The following ZNF423 variants were observed in gnomAD, a reference collection of about 807,000 sequenced individuals.
The protein encoded by ZNF423 is zinc finger protein 423, also known as Ebf-associated zinc finger protein.
In ZNF423, 12 loss-of-function variants were observed where a neutral mutation model predicts 95.8. The ratio of observed to expected loss-of-function variants is 0.13; its 90% confidence interval spans 0.08 to 0.20. ZNF423 has a LOEUF of 0.20. Ranked by LOEUF, ZNF423 falls within the 10% of genes least tolerant of loss-of-function variation. The pLI is 1.00. For missense variants in ZNF423, 1,316 were observed against 1,737.1 expected (o/e 0.76, Z 4.31); for synonymous variants, 749 against 711.9 (o/e 1.05, Z -0.83).
At chr16:49,664,865 G>A (rs1265645979) in intron 3 of ZNF423, among the ~76,000 whole-genome samples, 1 of 152,244 alleles carries the variant, frequency 6.6e-6, no homozygotes, top group Non-Finnish European at 1.5e-5. Context: ...GAGATCGGGG[G>A]TGGCCCCTGG....
At chr16:49,550,792 C>A (rs905702805) in intron 5 of ZNF423, among the ~76,000 whole-genome samples, 1 of 152,234 alleles carries the variant, frequency 6.6e-6, no homozygotes, top group Non-Finnish European at 1.5e-5. Flanking sequence ...ATGTGGCCGG[C>A]CCAACAAGTC....
chr16:49,697,780 C>A (rs1040950662), intron 3 of ZNF423, among the ~76,000 whole-genome samples: 2 of 152,248 alleles, frequency 1.3e-5, no homozygotes, highest in Non-Finnish European at 2.9e-5. Flanking sequence ...TTGTCAGTGA[C>A]ACAACAAAAG....
chr16:49,713,675 G>A (rs929499235), intron 3 of ZNF423, among the ~76,000 whole-genome samples: 4 of 152,144 alleles, frequency 2.6e-5, no homozygotes, highest in African/African-American at 9.7e-5. Context: ...TGCGCCATCT[G>A]TTTTCTGTTG....
chr16:49,723,684 T>C (rs986356617), intron 3 of ZNF423, among the ~76,000 whole-genome samples: 1 of 152,214 alleles, frequency 6.6e-6, no homozygotes, highest in African/African-American at 2.4e-5. Flanking sequence ...TCTTTTAGTA[T>C]TTTAAAGTTT....
chr16:49,801,415 G>A (rs183862718), intron 1 of ZNF423, among the ~76,000 whole-genome samples: 30 of 152,346 alleles, frequency 2.0e-4, no homozygotes, highest in Admixed American at 1.7e-3. Flanking sequence ...GGGCCCAGAC[G>A]AGGCGGCAAA....
intron 2 of ZNF423, among the ~76,000 whole-genome samples, chr16:49,769,408 G>T (rs2143697926): frequency 6.6e-6 from 1 of 151,284 alleles, no homozygotes; most frequent in African/African-American, 2.4e-5. Flanking sequence ...GGCAAGAAAA[G>T]AAAAAAGAAA....
chr16:49,542,948 A>T (rs1248519789), intron 5 of ZNF423, among the ~76,000 whole-genome samples: 1 of 152,096 alleles, frequency 6.6e-6, no homozygotes, highest in Non-Finnish European at 1.5e-5. Flanking sequence ...CAAGTCCCCT[A>T]GTGGAGTGGA....
intron 5 of ZNF423, among the ~76,000 whole-genome samples, chr16:49,612,924 A>G (rs987574187): frequency 6.6e-6 from 1 of 152,152 alleles, no homozygotes; most frequent in Non-Finnish European, 1.5e-5. Flanking sequence ...ACCATTTATA[A>G]TTGCTCAAAA....
chr16:49,728,836 G>A (rs536472277), intron 3 of ZNF423, among the ~76,000 whole-genome samples: 22 of 152,270 alleles, frequency 1.4e-4, no homozygotes, highest in African/African-American at 5.1e-4. Context: ...GGGTTCAAGC[G>A]ATTCTTTTGC....
At chr16:49,796,511 G>A (rs2034501816) in intron 1 of ZNF423, among the ~76,000 whole-genome samples, 1 of 152,226 alleles carries the variant, frequency 6.6e-6, no homozygotes, top group African/African-American at 2.4e-5. Context: ...ACAGCAGTGG[G>A]GCCCAGACAG....
intron 1 of ZNF423, chr16:49,854,989 G>A: frequency 1.0e-6 from 1 of 984,848 alleles, no homozygotes; most frequent in Non-Finnish European, 1.2e-6. Context: ...GGAGGGGCGC[G>A]CACCGCGGCC....
At chr16:49,688,252 C>A (rs1452755009) in intron 3 of ZNF423, among the ~76,000 whole-genome samples, 2 of 152,174 alleles carry the variant, frequency 1.3e-5, no homozygotes, top group African/African-American at 4.8e-5. Flanking sequence ...AACACAAACT[C>A]CTCCTTTTTC....
chr16:49,772,989 G>A (rs1434824077), intron 2 of ZNF423, among the ~76,000 whole-genome samples: 4 of 152,234 alleles, frequency 2.6e-5, no homozygotes, highest in African/African-American at 7.2e-5. Context: ...TGGCAGGATG[G>A]AGTGAGTGCT....
At chr16:49,858,550 G>A (rs1043661038), upstream of ZNF423, among the ~76,000 whole-genome samples, 1 of 152,126 alleles carries the variant, frequency 6.6e-6, no homozygotes, top group Non-Finnish European at 1.5e-5. This position sits in a 1 kb window ranked among gnomAD's most constrained non-coding sequence, Gnocchi z 4.3. Flanking sequence ...GCGGGCGAGC[G>A]AGGCTCCCCA....
chr16:49,518,563 A>G, intron 7 of ZNF423: 1 of 435,210 alleles, frequency 2.3e-6, no homozygotes, highest in South Asian at 1.7e-5. Context: ...CATCAGTTAC[A>G]CAAAACTCAG....
At chr16:49,561,108 A>T (rs1417322611) in intron 5 of ZNF423, among the ~76,000 whole-genome samples, 1 of 152,132 alleles carries the variant, frequency 6.6e-6, no homozygotes, top group Non-Finnish European at 1.5e-5. Context: ...ATGCACGTAC[A>T]TGTGCACATA....
At chr16:49,802,447 C>T (rs2034597074) in intron 1 of ZNF423, among the ~76,000 whole-genome samples, 1 of 152,208 alleles carries the variant, frequency 6.6e-6, no homozygotes, top group African/African-American at 2.4e-5. Context: ...GAACAAGAGG[C>T]TCTGGTTTGT....
At position 49,487,905 on chromosome 16, in the gene ZNF423, TTA is replaced by T. The variant is rs1283831563; in HGVS notation, c.*3368_*3369del. On this transcript the variant is annotated 3_prime_UTR_variant, in exon 8 of 8. Coordinates refer to ENST00000563137, the MANE Select transcript of ZNF423 (RefSeq NM_001379286.1). ...TGTGTCTCATACACGGGTCCCTCCA[TTA>T]ATCCCTGGCAGCTTCTGGCTTTGCC... 1.2e-4 allele frequency: 18 copies of T among 152,274 alleles called. No homozygotes were observed. Among genetic ancestry groups the T allele is most frequent in the African/African-American group, 3.6e-4 (15 of 41,470 alleles). 9.4% of individuals were successfully genotyped at this position (152,274 alleles called of 1,614,324 possible). A position where few individuals can be genotyped will look rare whatever the true frequency, so the allele number is the denominator to read the frequency against.
chr16:49,631,938 G>A (rs1972517884), intron 4 of ZNF423, among the ~76,000 whole-genome samples: 1 of 152,174 alleles, frequency 6.6e-6, no homozygotes, highest in Non-Finnish European at 1.5e-5. Flanking sequence ...CACTGTCTGA[G>A]CTGCCATTCT....
Sources: allele counts gnomAD v4.1 joint callset (sites outside exome capture counted in the v4.1 genomes callset), GRCh38; gene constraint gnomAD v4.1.1; non-coding constraint Gnocchi (gnomAD v3.1); transcripts MANE v1.5; gene names NCBI Gene and HGNC (gene_info 2026-07-23, HGNC 2026-07-21).